FIGN: variants seen among roughly 807,000 people sequenced by gnomAD.
FIGN encodes the protein fidgetin, microtubule severing factor.
FIGN carries 11 observed loss-of-function variants against 51.3 expected under a neutral mutation model. That is an observed-to-expected ratio of 0.21 (90% CI 0.13 to 0.35). The LOEUF is 0.35. FIGN is among the 10% of genes least tolerant of loss of function. The probability of loss-of-function intolerance (pLI) is 1.00; values close to 1 mark genes in which losing one functional copy is unlikely to be tolerated. For synonymous variants in FIGN, 407 were observed against 363.2 expected (o/e 1.12, Z -1.37); for missense variants, 857 against 943.6 (o/e 0.91, Z 1.20).
At chr2:163,735,546 GC>G (rs763768135) in intron 1 of FIGN, among the ~76,000 whole-genome samples, 9 of 152,144 alleles carry the variant, frequency 5.9e-5, no homozygotes, top group Non-Finnish European at 1.2e-4. Context: ...TAATAAGTAA[GC>G]CCAATATAGC....
chr2:163,698,190 C>T (rs1341580627), intron 2 of FIGN, among the ~76,000 whole-genome samples: 6 of 152,128 alleles, frequency 3.9e-5, no homozygotes, highest in Non-Finnish European at 5.9e-5. Context: ...CCAACATATA[C>T]GGGTTTTGGT....
At chr2:163,702,013 A>G (rs1684415096) in intron 2 of FIGN, among the ~76,000 whole-genome samples, 1 of 152,138 alleles carries the variant, frequency 6.6e-6, no homozygotes, top group African/African-American at 2.4e-5. Context: ...GCACTTGTTA[A>G]AATTTCTAAA....
intron 2 of FIGN, among the ~76,000 whole-genome samples, chr2:163,723,497 T>C (rs973114634): frequency 6.6e-6 from 1 of 152,134 alleles, no homozygotes; most frequent in Non-Finnish European, 1.5e-5. Context: ...GACGTCGAAA[T>C]CAATCCTAAT....
intron 2 of FIGN, among the ~76,000 whole-genome samples, chr2:163,690,323 A>C (rs542070578): frequency 1.3e-5 from 2 of 152,332 alleles, no homozygotes; most frequent in East Asian, 3.9e-4. Flanking sequence ...TATATCTTCA[A>C]TATAAATTTA....
In FIGN at chr2:163,609,658, G is replaced by A. The variant is rs189751107; in HGVS notation, c.2174C>T (p.Thr725Ile). 3 of 1,614,080 alleles carry A rather than the reference G, an allele frequency of 1.9e-6. No homozygotes were observed. The highest frequency in any genetic ancestry group is 1.3e-5 in the African/African-American group (1 of 75,010). Residue 725 changes from threonine (T) to isoleucine (I), a missense_variant, in exon 3 of 3, where the codon ACA (threonine) becomes ATA (isoleucine). Thr to Ile is a moderately conservative substitution (Grantham distance 89, BLOSUM62 -1). Coordinates refer to ENST00000333129, the MANE Select transcript of FIGN (RefSeq NM_018086.4). ...GAAAGCATTTTCAAAGTCTTGATAT[G>A]TAACGGGCCTCAACTGGCTGGGCAT... Reference protein sequence around the residue: ...AIMPSQLRPVTYQDFENAFCK... With the variant: ...AIMPSQLRPVIYQDFENAFCK...
chr2:163,686,519 G>A (rs1305670576), intron 2 of FIGN, among the ~76,000 whole-genome samples: 2 of 152,002 alleles, frequency 1.3e-5, no homozygotes, highest in Non-Finnish European at 2.9e-5. Flanking sequence ...AGTTGGGAAC[G>A]GTAAAGAAGT....
chr2:163,609,920 C>A lies in FIGN; in HGVS notation c.1912G>T (p.Glu638Ter). ...CATSKPEEIDESLRRYFMKRL... is the reference protein window; with the variant it reads ...CATSKPEEID ...TTCATGAAGTACCTCCGAAGGGATT[C>A]ATCTATTTCTTCTGGTTTACTGGTG... The change falls in exon 3 of 3, where the codon GAA becomes TAA. Residue 638 changes from glutamate to a stop codon, truncating the protein, a stop_gained. Coordinates refer to ENST00000333129, the MANE Select transcript of FIGN (RefSeq NM_018086.4). LOFTEE classifies it high-confidence loss of function. The A allele has an allele frequency of 6.2e-7, 1 of 1,614,074 alleles. No individual in the cohort carries two copies. The highest frequency in any genetic ancestry group is 2.2e-5 in the East Asian group (1 of 44,874).
rs754740615 is a variant in FIGN, at chr2:163,611,787, C to A, written c.45G>T (p.Thr15=). 1 of 1,601,732 alleles carries A rather than the reference C, an allele frequency of 6.2e-7. No individual in the cohort carries two copies. The highest frequency in any genetic ancestry group is 8.5e-7 in the Non-Finnish European group (1 of 1,169,676). The part of the protein sequence containing the change: ...TSVYGLKMQW[T]PEHAQWPEQH... ...GTTCTGGCCACTGGGCATGCTCTGG[C>A]GTCCACTGCATCTTCAAGCCTAAGA... Residue 15 remains threonine (T), a synonymous_variant, in exon 3 of 3, where the codon ACG becomes ACT. Coordinates refer to ENST00000333129, the MANE Select transcript of FIGN (RefSeq NM_018086.4).
intron 2 of FIGN, 97 bp downstream of exon 2, chr2:163,734,806 C>A: frequency 9.2e-7 from 1 of 1,087,998 alleles, no homozygotes. Flanking sequence ...ATATCATGAG[C>A]AACTGCTTGC....
At chr2:163,724,078 A>G (rs146977433) in intron 2 of FIGN, among the ~76,000 whole-genome samples, 18 of 152,332 alleles carry the variant, frequency 1.2e-4, no homozygotes, top group African/African-American at 4.3e-4. Context: ...AATCTTAGTC[A>G]TCATCGGATC....
chr2:163,652,154 G>C (rs1216350387), intron 2 of FIGN, among the ~76,000 whole-genome samples: 1 of 152,018 alleles, frequency 6.6e-6, no homozygotes, highest in African/African-American at 2.4e-5. Context: ...CCTTTACAAA[G>C]AACACTAATC....
intron 2 of FIGN, among the ~76,000 whole-genome samples, chr2:163,669,093 T>C (rs917806197): frequency 6.6e-6 from 1 of 151,036 alleles, no homozygotes; most frequent in Non-Finnish European, 1.5e-5. Context: ...AAGTATTAAT[T>C]TGATAACTCC....
chr2:163,701,515 G>A (rs1308558461), intron 2 of FIGN, among the ~76,000 whole-genome samples: 6 of 152,126 alleles, frequency 3.9e-5, no homozygotes, highest in South Asian at 2.1e-4. Context: ...TAGAACCTGC[G>A]GATGGTTCCC....
intron 2 of FIGN, among the ~76,000 whole-genome samples, chr2:163,689,435 A>G (rs990402516): frequency 2.6e-5 from 4 of 152,170 alleles, no homozygotes; most frequent in Non-Finnish European, 5.9e-5. Flanking sequence ...TACCTACTGA[A>G]ATGCTTGATT....
Position 163,734,965 on chromosome 2 carries a change from C to T in FIGN, c.-38G>A, listed in dbSNP as rs1051875610. On this transcript the variant is annotated 5_prime_UTR_variant, in exon 2 of 3. The change abolishes the stop of an existing upstream ORF in the 5' untranslated region. Coordinates refer to ENST00000333129, the MANE Select transcript of FIGN (RefSeq NM_018086.4). The stretch of plus-strand genomic sequence containing the variant: ...GCACAAAAAGCTGAATTGGATTTCT[C>T]ACAAGCAGGAATTCCAAAGGTTGCT... 1 of 1,609,384 alleles carries T rather than the reference C, an allele frequency of 6.2e-7. No homozygotes were observed. The highest frequency in any genetic ancestry group is 8.5e-7 in the Non-Finnish European group (1 of 1,177,946).
chr2:163,649,545 G>T (rs574271221), intron 2 of FIGN, among the ~76,000 whole-genome samples: 29 of 152,262 alleles, frequency 1.9e-4, no homozygotes, highest in African/African-American at 7.0e-4. Flanking sequence ...CCTTCCAGCT[G>T]TCCATCTAGG....
At chr2:163,703,309 T>G (rs1318423030) in intron 2 of FIGN, among the ~76,000 whole-genome samples, 1 of 152,116 alleles carries the variant, frequency 6.6e-6, no homozygotes, top group Non-Finnish European at 1.5e-5. Context: ...CAACTGAAAC[T>G]GTGCAACTGA....
At chr2:163,724,049 A>G (rs1039434007) in intron 2 of FIGN, among the ~76,000 whole-genome samples, 2 of 152,192 alleles carry the variant, frequency 1.3e-5, no homozygotes, top group African/African-American at 2.4e-5. Context: ...GCAGTCATGG[A>G]GTATACAAAA....
intron 2 of FIGN, among the ~76,000 whole-genome samples, chr2:163,634,245 T>C (rs1683192775): frequency 1.3e-5 from 2 of 152,142 alleles, no homozygotes; most frequent in Non-Finnish European, 2.9e-5. Context: ...TCTATTATTA[T>C]ATAGCTATGA....
Sources: allele counts gnomAD v4.1 joint callset (sites outside exome capture counted in the v4.1 genomes callset), GRCh38; gene constraint gnomAD v4.1.1; transcripts MANE v1.5; gene names NCBI Gene and HGNC (gene_info 2026-07-23, HGNC 2026-07-21).